L3MBTL4: variants seen among roughly 807,000 people sequenced by gnomAD.
L3MBTL4 encodes the protein L3MBTL histone methyl-lysine binding protein 4, also known as lethal(3)malignant brain tumor-like protein 4.
L3MBTL4 carries 70 observed loss-of-function variants against 84.5 expected under a neutral mutation model. That is an observed-to-expected ratio of 0.83 (90% CI 0.68 to 1.01). The LOEUF is 1.01. Among genes scored for constraint, L3MBTL4 ranks in the 50% least tolerant of loss-of-function variants. The pLI is 0.00. For missense variants in L3MBTL4, 715 were observed against 754.8 expected, an observed-to-expected ratio of 0.95 and a Z score of 0.62; for synonymous variants, 274 against 259.8, an observed-to-expected ratio of 1.05 and a Z score of -0.52.
At chr18:6,041,101 A>G (rs2056379442) in intron 16 of L3MBTL4, among the ~76,000 whole-genome samples, 1 of 152,176 alleles carries the variant, frequency 6.6e-6, no homozygotes, top group African/African-American at 2.4e-5. Flanking sequence ...ACATTATTCA[A>G]TCCTCCCAAC....
intron 1 of L3MBTL4, among the ~76,000 whole-genome samples, chr18:6,380,130 G>A (rs945940265): frequency 2.6e-5 from 4 of 152,104 alleles, no homozygotes; most frequent in Admixed American, 2.6e-4. Context: ...ATTCTCTGAT[G>A]GCAGTTTGTA....
intron 4 of L3MBTL4, among the ~76,000 whole-genome samples, chr18:6,299,971 C>T (rs1280287125): frequency 6.6e-6 from 1 of 152,146 alleles, no homozygotes; most frequent in Non-Finnish European, 1.5e-5. Context: ...CACGCCTGAC[C>T]TATTTTTCAA....
chr18:6,377,670 G>A (rs2054425164), intron 1 of L3MBTL4, among the ~76,000 whole-genome samples: 1 of 152,140 alleles, frequency 6.6e-6, no homozygotes, highest in Admixed American at 6.5e-5. Flanking sequence ...TTTTATGGCT[G>A]CATAGTATTC....
At chr18:6,313,412 A>T (rs1240907294) in intron 1 of L3MBTL4, among the ~76,000 whole-genome samples, 2 of 152,236 alleles carry the variant, frequency 1.3e-5, no homozygotes, top group Admixed American at 6.5e-5. Flanking sequence ...ACAAAAAATA[A>T]ACAAAAAAAC....
At chr18:6,166,335 G>C (rs1489427089) in intron 13 of L3MBTL4, among the ~76,000 whole-genome samples, 1 of 151,752 alleles carries the variant, frequency 6.6e-6, no homozygotes, top group African/African-American at 2.4e-5. Flanking sequence ...GGACCTAATA[G>C]ACATCTACAG....
intron 16 of L3MBTL4, chr18:6,029,867 A>G (rs1377436152): frequency 5.1e-6 from 5 of 982,840 alleles, no homozygotes; most frequent in Non-Finnish European, 6.0e-6. Flanking sequence ...ATAGATTCAC[A>G]CACAGAATCT....
At chr18:6,127,869 G>T (rs1598840791) in intron 14 of L3MBTL4, among the ~76,000 whole-genome samples, 1 of 152,256 alleles carries the variant, frequency 6.6e-6, no homozygotes. Context: ...GTTCACCATT[G>T]ATGGGCTCCA....
chr18:6,183,204 C>T (rs1324645947), intron 12 of L3MBTL4, among the ~76,000 whole-genome samples: 1 of 152,188 alleles, frequency 6.6e-6, no homozygotes, highest in Non-Finnish European at 1.5e-5. Context: ...GGCATACCAG[C>T]CCTACTTGGG....
At chr18:6,028,025 A>T (rs1222016232) in intron 16 of L3MBTL4, among the ~76,000 whole-genome samples, 2 of 152,152 alleles carry the variant, frequency 1.3e-5, no homozygotes, top group African/African-American at 2.4e-5. Flanking sequence ...CATTGTGCAG[A>T]AGCTCTTTTG....
At chr18:6,082,998 C>A (rs1249720466) in intron 15 of L3MBTL4, among the ~76,000 whole-genome samples, 2 of 152,118 alleles carry the variant, frequency 1.3e-5, no homozygotes, top group African/African-American at 2.4e-5. Flanking sequence ...TTGTTTTACA[C>A]ATTGAGAGAC....
chr18:6,078,961 G>T (rs563221918), intron 16 of L3MBTL4, among the ~76,000 whole-genome samples: 1 of 152,146 alleles, frequency 6.6e-6, no homozygotes, highest in Non-Finnish European at 1.5e-5. Flanking sequence ...ACATGTGCAG[G>T]TCGCAATACT....
chr18:6,214,462 C>T (rs1483687636), intron 11 of L3MBTL4, among the ~76,000 whole-genome samples: 2 of 152,172 alleles, frequency 1.3e-5, no homozygotes, highest in African/African-American at 4.8e-5. Flanking sequence ...AGCTATTACA[C>T]ATAAAAGTGT....
chr18:6,101,613 C>T (rs1412925755), intron 14 of L3MBTL4, among the ~76,000 whole-genome samples: 1 of 152,158 alleles, frequency 6.6e-6, no homozygotes, highest in Non-Finnish European at 1.5e-5. Flanking sequence ...CAATCCTTAC[C>T]CTCTCCAGCT....
intron 4 of L3MBTL4, among the ~76,000 whole-genome samples, chr18:6,295,972 T>TA (rs749905001): frequency 1.3e-5 from 2 of 152,190 alleles, no homozygotes; most frequent in Non-Finnish European, 2.9e-5. Flanking sequence ...TTGAATAAAG[T>TA]AAAACTGATT....
chr18:6,128,035 G>GTA (rs918869434), intron 14 of L3MBTL4, among the ~76,000 whole-genome samples: 2 of 142,432 alleles, frequency 1.4e-5, no homozygotes, highest in Admixed American at 7.1e-5. Flanking sequence ...ATATTGGGTG[G>GTA]GGCGGGGGAA....
At chr18:5,966,608 T>C (rs529237444) in intron 17 of L3MBTL4, among the ~76,000 whole-genome samples, 24 of 152,336 alleles carry the variant, frequency 1.6e-4, no homozygotes, top group Non-Finnish European at 2.9e-4. Flanking sequence ...GGCACCCATC[T>C]TGAGTTTATG....
intron 14 of L3MBTL4, among the ~76,000 whole-genome samples, chr18:6,110,983 A>C (rs114839826): frequency 1.4e-5 from 2 of 146,810 alleles, no homozygotes; most frequent in African/African-American, 2.5e-5. Context: ...CCTTCCTCCC[A>C]CCCCCCAGGT....
intron 1 of L3MBTL4, among the ~76,000 whole-genome samples, chr18:6,373,984 A>T (rs902901794): frequency 7.2e-5 from 11 of 152,192 alleles, no homozygotes; most frequent in Non-Finnish European, 1.3e-4. Context: ...TTTTGGGTTT[A>T]AGAGAGGACT....
intron 16 of L3MBTL4, among the ~76,000 whole-genome samples, chr18:5,997,006 A>G (rs2054003874): frequency 6.6e-6 from 1 of 151,184 alleles, no homozygotes; most frequent in African/African-American, 2.5e-5. Flanking sequence ...ATTGATCCTC[A>G]GTATCCATGT....
Sources: allele counts gnomAD v4.1 joint callset (sites outside exome capture counted in the v4.1 genomes callset), GRCh38; gene constraint gnomAD v4.1.1; transcripts MANE v1.5; gene names NCBI Gene and HGNC (gene_info 2026-07-23, HGNC 2026-07-21).